GRTP1: variants seen among roughly 807,000 people sequenced by gnomAD.
GRTP1 encodes the protein growth hormone regulated TBC protein 1.
GRTP1 carries 56 observed loss-of-function variants against 38.1 expected under a neutral mutation model. The ratio of observed to expected loss-of-function variants is 1.47; its 90% confidence interval spans 1.19 to 1.84. The LOEUF (loss-of-function observed/expected upper bound fraction) is 1.84, where lower values mean the gene tolerates loss of function less well. Ranked by LOEUF, GRTP1 falls within the 40% of genes most tolerant of loss-of-function variation. The probability of loss-of-function intolerance (pLI) is 0.00; values close to 1 mark genes in which losing one functional copy is unlikely to be tolerated. For missense variants in GRTP1, 506 were observed against 453.9 expected, an observed-to-expected ratio of 1.11 and a Z score of -1.04; for synonymous variants, 217 against 189.5, an observed-to-expected ratio of 1.14 and a Z score of -1.19.
chr13:113,356,874 G>C (rs1335127223), intron 2 of GRTP1, among the ~76,000 whole-genome samples: 1 of 152,176 alleles, frequency 6.6e-6, no homozygotes, highest in African/African-American at 2.4e-5. Flanking sequence ...GCCCTTGTCT[G>C]TCCACTGGGC....
At chr13:113,337,764 G>A (rs1677731841) in intron 5 of GRTP1, among the ~76,000 whole-genome samples, 1 of 152,220 alleles carries the variant, frequency 6.6e-6, no homozygotes. Flanking sequence ...CAGGCCACAT[G>A]AGCACCACCC....
chr13:113,344,629 C>T (rs1349793757), intron 5 of GRTP1, among the ~76,000 whole-genome samples: 1 of 136,356 alleles, frequency 7.3e-6, no homozygotes, highest in Non-Finnish European at 1.5e-5. Context: ...AGGAGAATCA[C>T]TTGAACCCGG....
intron 5 of GRTP1, among the ~76,000 whole-genome samples, chr13:113,337,684 C>T (rs2042972493): frequency 6.6e-6 from 1 of 152,236 alleles, no homozygotes; most frequent in African/African-American, 2.4e-5. Flanking sequence ...GCAATCTGAT[C>T]CCAAAACAGC....
In GRTP1 at chr13:113,325,821, A is replaced by T; in HGVS notation, c.761T>A (p.Leu254Ter). 2 of 1,614,108 alleles carry T rather than the reference A, an allele frequency of 1.2e-6. No homozygotes were observed. Among genetic ancestry groups the T allele is most frequent in the Middle Eastern group, 1.6e-4 (1 of 6,062 alleles). The change falls in exon 7 of 8, where the codon TTG (leucine) becomes TAG (stop). Residue 254 changes from leucine to a stop codon, truncating the protein, a stop_gained. Transcript: ENST00000375431. LOFTEE classifies it high-confidence loss of function. Reference sequence around the variant, plus strand: ...GATAATCTTCGAGCCTTCGTTAAACAAACAGTCCCAGATCCGAAGCACTGT... The same window carrying T: ...GATAATCTTCGAGCCTTCGTTAAACTAACAGTCCCAGATCCGAAGCACTGT... Reference protein sequence around the residue: ...VETVLRIWDCLFNEGSKIIFR... With the variant: ...VETVLRIWDC
intron 3 of GRTP1, 85 bp downstream of exon 3, chr13:113,355,238 T>C: frequency 6.9e-7 from 1 of 1,443,726 alleles, no homozygotes; most frequent in Non-Finnish European, 9.5e-7. Context: ...CGCTCACCCC[T>C]GGACGCTGAG....
At chr13:113,355,217 A>C in intron 3 of GRTP1, 106 bp downstream of exon 3, 2 of 1,117,338 alleles carry the variant, frequency 1.8e-6, no homozygotes, top group Non-Finnish European at 2.5e-6. Flanking sequence ...AGTTAAAAGC[A>C]GCAGGCGCAC....
rs200703755 is a variant in GRTP1, at chr13:113,355,320, C to T, written c.340+3G>A. On this transcript the variant is annotated splice_donor_region_variant and intron_variant, in intron 3 of 7. Transcript: ENST00000375431. The stretch of plus-strand genomic sequence containing the variant: ...CACCAGAGCTCGACCCCCACCGCCT[C>T]ACCTGTCCTGATGGCGTCCTCCAGC... 2.2e-5 allele frequency: 35 copies of T among 1,613,882 alleles called. No individual in the cohort carries two copies. The highest frequency in any genetic ancestry group is 5.0e-5 in the Admixed American group (3 of 60,026).
chr13:113,332,100 T>A (rs1261050517), intron 5 of GRTP1, among the ~76,000 whole-genome samples: 2 of 151,852 alleles, frequency 1.3e-5, no homozygotes, highest in African/African-American at 2.4e-5. Flanking sequence ...AAAAAATAAA[T>A]TTTAAAAAAC....
chr13:113,346,153 C>T lies in GRTP1; in HGVS notation c.466-1194G>A, dbSNP rs562448954. Among the ~76,000 whole-genome samples the T allele has an allele frequency of 5.4e-4, 76 of 141,876 alleles. 2 individuals are homozygous for T. The highest frequency in any genetic ancestry group is 7.0e-4 in the African/African-American group (26 of 37,038). 93.1% of individuals were successfully genotyped at this position (141,876 alleles called of 152,430 possible). On this transcript the variant is annotated intron_variant, in intron 4 of 7. Coordinates refer to ENST00000375431, the MANE Select transcript of GRTP1 (RefSeq NM_024719.4). ...GTGGACAAGAGCAGACCCGGGAGGA[C>T]CTCTGTGCCTGACAGTGGACCCGGG...
intron 5 of GRTP1, among the ~76,000 whole-genome samples, chr13:113,336,964 A>C (rs1316940848): frequency 6.6e-6 from 1 of 152,184 alleles, no homozygotes; most frequent in Non-Finnish European, 1.5e-5. Flanking sequence ...GTTACATTTC[A>C]CAAGTAAAAA....
At chr13:113,363,593 G>C (rs1043617762) in intron 2 of GRTP1, among the ~76,000 whole-genome samples, 169 bp downstream of exon 2, 3 of 152,148 alleles carry the variant, frequency 2.0e-5, no homozygotes, top group African/African-American at 7.2e-5. Flanking sequence ...ATCTCAAAGC[G>C]GGAAAACCGG....
At chr13:113,329,428 A>G (rs1156950356) in intron 5 of GRTP1, among the ~76,000 whole-genome samples, 1 of 152,044 alleles carries the variant, frequency 6.6e-6, no homozygotes, top group Non-Finnish European at 1.5e-5. Context: ...AAATACAAAA[A>G]TTAGCTGGGC....
Position 113,333,802 on chromosome 13 carries a change from CTTTA to C in GRTP1, c.563-7715_563-7712del, listed in dbSNP as rs374558438. Among the ~76,000 whole-genome samples the C allele has an allele frequency of 4.5e-3, 560 of 124,858 alleles. 4 individuals are homozygous for C. Among genetic ancestry groups the C allele is most frequent in the African/African-American group, 0.012 (350 of 28,434 alleles). 81.9% of individuals were successfully genotyped at this position (124,858 alleles called of 152,430 possible). The stretch of plus-strand genomic sequence containing the variant: ...CACCACGCCCATCTCAGTGCCTGTA[CTTTA>C]TTTATTTATTTATTTATTTATTTAT... On this transcript the variant is annotated intron_variant, in intron 5 of 7. Coordinates refer to ENST00000375431, the MANE Select transcript of GRTP1 (RefSeq NM_024719.4).
intron 7 of GRTP1, chr13:113,325,329 T>C: frequency 7.1e-7 from 1 of 1,401,750 alleles, no homozygotes; most frequent in Non-Finnish European, 9.2e-7. Context: ...GACCTGAGTC[T>C]ATACGGCCTG....
rs1395680681 is a variant in GRTP1, at chr13:113,343,660, CTG to C, written c.562+1201_562+1202del. Among the ~76,000 whole-genome samples the C allele has an allele frequency of 6.6e-6, 1 of 152,228 alleles. No homozygotes were observed. Among genetic ancestry groups the C allele is most frequent in the Non-Finnish European group, 1.5e-5 (1 of 68,038 alleles). On this transcript the variant is annotated intron_variant, in intron 5 of 7. Coordinates refer to ENST00000375431, the MANE Select transcript of GRTP1 (RefSeq NM_024719.4). This position sits in a 1 kb window ranked among gnomAD's most constrained non-coding sequence, Gnocchi z 4.8. ...CTCACCCTGGAAATGGGGTGGGTGA[CTG>C]TGTCCGTGTGGTGTGGCTGTTCTGA...
intron 4 of GRTP1, among the ~76,000 whole-genome samples, chr13:113,347,951 C>CA (rs2043196652): frequency 6.6e-6 from 1 of 150,454 alleles, no homozygotes; most frequent in Non-Finnish European, 1.5e-5. Flanking sequence ...AGGCCGAGAG[C>CA]GGACCCGGGA....
Position 113,363,891 on chromosome 13 carries a change from C to A in GRTP1, c.52G>T (p.Glu18Ter). The A allele has an allele frequency of 6.2e-7, 1 of 1,611,560 alleles. No individual in the cohort carries two copies. The highest frequency in any genetic ancestry group is 8.5e-7 in the Non-Finnish European group (1 of 1,179,486). Reference sequence around the variant, plus strand: ...GCGTCGTCGAAGTCCTCAGGCCGCTCGAATCCGTACGGGTCGATCCTGCAA... The same window carrying A: ...GCGTCGTCGAAGTCCTCAGGCCGCTAGAATCCGTACGGGTCGATCCTGCAA... ...RVPRIDPYGF[E>*]RPEDFDDAAY... Residue 18 changes from glutamate (E) to a stop codon, truncating the protein, a stop_gained, in exon 2 of 8, where the codon GAG becomes TAG. Transcript: ENST00000375431. LOFTEE classifies it high-confidence loss of function.
intron 4 of GRTP1, among the ~76,000 whole-genome samples, chr13:113,347,292 CTGAG>C (rs2139474462): frequency 1.5e-5 from 1 of 67,550 alleles, no homozygotes. Flanking sequence ...ACCTCTGTGG[CTGAG>C]CGGATCTGGG....
Position 113,342,509 on chromosome 13 carries a change from A to C in GRTP1, c.562+2354T>G, listed in dbSNP as rs190659957. Among the ~76,000 whole-genome samples the C allele has an allele frequency of 6.6e-6, 1 of 152,304 alleles. No individual in the cohort carries two copies. Among genetic ancestry groups the C allele is most frequent in the Non-Finnish European group, 1.5e-5 (1 of 68,030 alleles). ...GACAGAGCGAGACTCAGTCTCAAAA[A>C]AAAAAAAGTACTGTATTTTTTGAAC... On this transcript the variant is annotated intron_variant, in intron 5 of 7. Transcript: ENST00000375431. The surrounding 1 kb of genome is among the most constrained non-coding windows in gnomAD (Gnocchi z 4.5).
Sources: gnomAD v4.1 joint callset for allele counts (sites outside exome capture counted in the v4.1 genomes callset) on GRCh38, gnomAD v4.1.1 for gene constraint, Gnocchi (gnomAD v3.1) non-coding constraint, MANE v1.5 for transcripts, NCBI Gene and HGNC (gene_info 2026-07-23, HGNC 2026-07-21) for gene names.